The following GRID2 variants were observed in gnomAD, a reference collection of about 807,000 sequenced individuals.
GRID2 encodes glutamate ionotropic receptor delta type subunit 2, also known as glutamate receptor ionotropic, delta-2.
In GRID2, 33 loss-of-function variants were observed where a neutral mutation model predicts 114.8. The ratio of observed to expected loss-of-function variants is 0.29; its 90% confidence interval spans 0.22 to 0.38. The LOEUF (loss-of-function observed/expected upper bound fraction) is 0.38, where lower values mean the gene tolerates loss of function less well. GRID2 is among the 10% of genes least tolerant of loss of function. The pLI is 1.00. For synonymous variants in GRID2, 505 were observed against 449.9 expected, an observed-to-expected ratio of 1.12 and a Z score of -1.55; for missense variants, 1,184 against 1,257.7, an observed-to-expected ratio of 0.94 and a Z score of 0.89.
At chr4:93,182,938 G>A (rs1056530911) in intron 4 of GRID2, among the ~76,000 whole-genome samples, 1 of 152,278 alleles carries the variant, frequency 6.6e-6, no homozygotes, top group East Asian at 1.9e-4. Flanking sequence ...TGGGAGTGGC[G>A]CCCTACAATT....
At chr4:92,709,572 GAAA>G (rs767320278) in intron 2 of GRID2, among the ~76,000 whole-genome samples, 10 of 101,044 alleles carry the variant, frequency 9.9e-5, no homozygotes, top group Non-Finnish European at 1.2e-4. Flanking sequence ...ATAGTGTAGA[GAAA>G]AAAAAAAAAA....
At chr4:93,349,807 A>G (rs2149258985) in intron 8 of GRID2, among the ~76,000 whole-genome samples, 1 of 152,250 alleles carries the variant, frequency 6.6e-6, no homozygotes, top group East Asian at 1.9e-4. Context: ...TCCTAATGGA[A>G]CAATAACAAT....
Position 93,598,363 on chromosome 4 carries a change from C to T in GRID2, c.2194-27906C>T, listed in dbSNP as rs189129377. 8.3e-4 allele frequency among the ~76,000 whole-genome samples: 126 copies of T among 152,216 alleles called. 1 individual carries two copies. The highest frequency in any genetic ancestry group is 2.6e-3 in the African/African-American group (107 of 41,558). The stretch of plus-strand genomic sequence containing the variant: ...TCTTTTCATTCTTTATCTCTCTTTC[C>T]CTCGTTCACTCATTCCTTCTCATGC... On this transcript the variant is annotated intron_variant, in intron 13 of 15. Coordinates refer to ENST00000282020, the MANE Select transcript of GRID2 (RefSeq NM_001510.4).
intron 1 of GRID2, among the ~76,000 whole-genome samples, chr4:92,352,570 T>C (rs1408562829): frequency 6.6e-6 from 1 of 151,938 alleles, no homozygotes; most frequent in Non-Finnish European, 1.5e-5. Context: ...CAAGTTATTT[T>C]CTGCTTTTTG....
At chr4:92,867,012 C>G (rs1744915973) in intron 2 of GRID2, among the ~76,000 whole-genome samples, 1 of 152,142 alleles carries the variant, frequency 6.6e-6, no homozygotes, top group East Asian at 1.9e-4. Flanking sequence ...TCATGTCTTC[C>G]TTCAGTCTTC....
chr4:92,934,139 A>G (rs534154479), intron 2 of GRID2, among the ~76,000 whole-genome samples: 1 of 151,832 alleles, frequency 6.6e-6, no homozygotes, highest in Non-Finnish European at 1.5e-5. Flanking sequence ...TGCCATTTTC[A>G]TAATATTGAT....
At chr4:92,699,812 T>C (rs1053218947) in intron 2 of GRID2, among the ~76,000 whole-genome samples, 1 of 152,196 alleles carries the variant, frequency 6.6e-6, no homozygotes, top group Non-Finnish European at 1.5e-5. Context: ...TATTGCCATA[T>C]TATCTTCTCA....
intron 13 of GRID2, among the ~76,000 whole-genome samples, chr4:93,584,361 T>C (rs1737325730): frequency 6.6e-6 from 1 of 152,080 alleles, no homozygotes; most frequent in African/African-American, 2.4e-5. Context: ...GGATAAGTAT[T>C]TGAGGATGTT....
intron 8 of GRID2, among the ~76,000 whole-genome samples, chr4:93,257,458 C>T (rs1429332084): frequency 6.6e-6 from 1 of 151,568 alleles, no homozygotes; most frequent in Non-Finnish European, 1.5e-5. Flanking sequence ...AAAGAAATGG[C>T]ATAATTTAAG....
At chr4:92,530,486 A>T (rs1725283009) in intron 1 of GRID2, among the ~76,000 whole-genome samples, 1 of 148,546 alleles carries the variant, frequency 6.7e-6, no homozygotes, top group African/African-American at 2.5e-5. Context: ...CCACTACCAC[A>T]AAAAAGTGAG....
At chr4:93,205,932 G>GT (rs1742709200) in intron 4 of GRID2, among the ~76,000 whole-genome samples, 1 of 152,022 alleles carries the variant, frequency 6.6e-6, no homozygotes, top group Admixed American at 6.6e-5. Flanking sequence ...TTGTTCACGT[G>GT]TTTTTTGGCT....
intron 9 of GRID2, among the ~76,000 whole-genome samples, chr4:93,401,756 C>T (rs551727549): frequency 1.3e-5 from 2 of 152,066 alleles, no homozygotes; most frequent in African/African-American, 2.4e-5. Flanking sequence ...ATCATTACCA[C>T]AAAGCAATAT....
At position 92,920,198 on chromosome 4, in the gene GRID2, T is replaced by A. The variant is rs912835852; in HGVS notation, c.245-164797T>A. On this transcript the variant is annotated intron_variant, in intron 2 of 15. Coordinates refer to ENST00000282020, the MANE Select transcript of GRID2 (RefSeq NM_001510.4). The stretch of plus-strand genomic sequence containing the variant: ...TGCCTTTTTTTGTTTTCCATTTGCT[T>A]GGTAGATCTTCCTCCATCCCTTTAT... Among the ~76,000 whole-genome samples the A allele has an allele frequency of 5.3e-5, 8 of 152,318 alleles. No homozygotes were observed. The East Asian group carries it at 1.5e-3, about 29-fold the overall frequency.
rs112990301 is a variant in GRID2, at chr4:92,777,329, C to T, written c.244+187043C>T. ...CTTTTATGACCTTGCTGTTATAGTTCAGATAGTCATTATGTTTTGCTTTGT... is the reference window on the plus strand; with the variant it reads ...CTTTTATGACCTTGCTGTTATAGTTTAGATAGTCATTATGTTTTGCTTTGT... On this transcript the variant is annotated intron_variant, in intron 2 of 15. Coordinates refer to ENST00000282020, the MANE Select transcript of GRID2 (RefSeq NM_001510.4). Among the ~76,000 whole-genome samples the T allele has an allele frequency of 9.4e-3, 1,436 of 152,042 alleles. 25 individuals carry two copies. The highest frequency in any genetic ancestry group is 0.033 in the African/African-American group (1,356 of 41,492).
chr4:93,543,710 TAGAGAGAGAGAGAGAGAG>T (rs34742442), intron 13 of GRID2, among the ~76,000 whole-genome samples: 1 of 133,494 alleles, frequency 7.5e-6, no homozygotes, highest in Admixed American at 7.6e-5. Context: ...GAGTGAGAGA[TAGAGAGAGAGAGAGAGAG>T]AGAGAGAGAG....
chr4:92,323,679 A>C (rs933453528), intron 1 of GRID2, among the ~76,000 whole-genome samples: 3 of 151,896 alleles, frequency 2.0e-5, no homozygotes, highest in Non-Finnish European at 4.4e-5. Context: ...TCATTCTCAC[A>C]CTGTGCTCTG....
At chr4:93,522,121 T>A (rs1730395942) in intron 13 of GRID2, among the ~76,000 whole-genome samples, 1 of 152,120 alleles carries the variant, frequency 6.6e-6, no homozygotes, top group African/African-American at 2.4e-5. Flanking sequence ...AGGTAGACGG[T>A]TTGGACTTAG....
At chr4:93,329,713 G>C (rs893962490) in intron 8 of GRID2, among the ~76,000 whole-genome samples, 2 of 152,094 alleles carry the variant, frequency 1.3e-5, no homozygotes, top group Non-Finnish European at 2.9e-5. Context: ...ACCACATTAA[G>C]TGCAACTGTT....
At chr4:93,367,410 A>G (rs1432001003) in intron 8 of GRID2, among the ~76,000 whole-genome samples, 2 of 152,122 alleles carry the variant, frequency 1.3e-5, no homozygotes, top group African/African-American at 4.8e-5. Flanking sequence ...AAATGTTTTA[A>G]ACAAAAATGA....
Sources: gnomAD v4.1 joint callset for allele counts (sites outside exome capture counted in the v4.1 genomes callset) on GRCh38, gnomAD v4.1.1 for gene constraint, MANE v1.5 for transcripts, NCBI Gene and HGNC (gene_info 2026-07-23, HGNC 2026-07-21) for gene names.